MMEL1: variants seen among roughly 807,000 people sequenced by gnomAD.
MMEL1 encodes the protein membrane metalloendopeptidase like 1, also known as membrane metallo-endopeptidase-like 1.
Under a neutral mutation model 117.1 loss-of-function variants are expected in MMEL1, and 98 were observed. The ratio of observed to expected loss-of-function variants is 0.84; its 90% CI spans 0.71 to 0.99. MMEL1 has a LOEUF of 0.99. Ranked by LOEUF, MMEL1 falls within the 50% of genes least tolerant of loss-of-function variation. The pLI is 0.00. For missense variants in MMEL1, 1,014 were observed against 1,049.1 expected (o/e 0.97, Z 0.46); for synonymous variants, 390 against 415.1 (o/e 0.94, Z 0.74).
At chr1:2,614,591 A>G (rs911548671) in intron 2 of MMEL1, among the ~76,000 whole-genome samples, 5 of 152,162 alleles carry the variant, frequency 3.3e-5, no homozygotes, top group African/African-American at 1.2e-4. Flanking sequence ...GGTTGCATAT[A>G]TAAATATTTA....
chr1:2,630,798 G>T (rs1638530210), intron 1 of MMEL1, among the ~76,000 whole-genome samples: 1 of 151,064 alleles, frequency 6.6e-6, no homozygotes, highest in Non-Finnish European at 1.5e-5. Flanking sequence ...GAGTGTGCAC[G>T]TGTGTCCTCT....
chr1:2,610,437 G>A (rs778696857), intron 4 of MMEL1, among the ~76,000 whole-genome samples: 42 of 152,132 alleles, frequency 2.8e-4, no homozygotes, highest in Non-Finnish European at 5.3e-4. Flanking sequence ...AGGCTGAGGC[G>A]ATGGCTGAGA....
intron 2 of MMEL1, among the ~76,000 whole-genome samples, chr1:2,627,286 A>T (rs1384624187): frequency 6.6e-6 from 1 of 152,256 alleles, no homozygotes; most frequent in Non-Finnish European, 1.5e-5. Context: ...GTAAGATTTG[A>T]TGTAACTACA....
chr1:2,614,194 CAG>C (rs1038864510), intron 2 of MMEL1, among the ~76,000 whole-genome samples: 4 of 152,220 alleles, frequency 2.6e-5, no homozygotes, highest in African/African-American at 9.6e-5. Flanking sequence ...TTTAGACTGT[CAG>C]GGGAATCCCA....
chr1:2,593,084 G>T, intron 19 of MMEL1, 118 bp from the exon 20 acceptor site: 1 of 1,329,732 alleles, frequency 7.5e-7, no homozygotes, highest in Non-Finnish European at 1.0e-6. Context: ...AGTACGGAGA[G>T]CCCACAGTCT....
At chr1:2,631,683 G>A (rs1407136503) in intron 1 of MMEL1, among the ~76,000 whole-genome samples, 1 of 152,084 alleles carries the variant, frequency 6.6e-6, no homozygotes, top group Non-Finnish European at 1.5e-5. Context: ...CACACCCTCA[G>A]ATGCTTCCTT....
chr1:2,600,256 C>A (rs1205232708), intron 11 of MMEL1, among the ~76,000 whole-genome samples: 2 of 151,954 alleles, frequency 1.3e-5, no homozygotes, highest in Admixed American at 6.6e-5. Flanking sequence ...GCATGAGCCA[C>A]CATGCCTGGC....
rs139026073 is a variant in MMEL1, at chr1:2,609,829, C to T, written c.295G>A (p.Ala99Thr). Residue 99 changes from alanine (A) to threonine (T), a missense_variant and splice_region_variant, in exon 5 of 24, where the codon GCC becomes ACC. Physicochemically the swap from Ala to Thr is moderately conservative, Grantham distance 58. Transcript: ENST00000378412. Reference protein sequence around the residue: ...CTTPGCVIAAARILQNMDPTT... With the variant: ...CTTPGCVIAATRILQNMDPTT... ...GGGTCCATGTTCTGGAGGATCCTGGCAGCTGCTCGTCCCCATGGCGTGGAG... is the reference window on the plus strand; with the variant it reads ...GGGTCCATGTTCTGGAGGATCCTGGTAGCTGCTCGTCCCCATGGCGTGGAG... The T allele has an allele frequency of 1.1e-4, 177 of 1,605,562 alleles. No homozygotes were observed. In the African/African-American group the frequency reaches 1.7e-3, roughly 15 times the overall value.
At chr1:2,622,820 G>A (rs1051833573) in intron 2 of MMEL1, among the ~76,000 whole-genome samples, 1 of 150,166 alleles carries the variant, frequency 6.7e-6, no homozygotes, top group African/African-American at 2.5e-5. Flanking sequence ...GGGGGCGAAG[G>A]TTGCAGTGAG....
At position 2,590,976 on chromosome 1, in the gene MMEL1, C is replaced by T. The variant is rs756580651; in HGVS notation, c.*14G>A. 1.6e-5 allele frequency: 25 copies of T among 1,558,400 alleles called. No homozygotes were observed. Among genetic ancestry groups the T allele is most frequent in the Middle Eastern group, 4.5e-4 (2 of 4,470 alleles). ...GCGGGTGGGCGTGGGCCGCACAGCG[C>T]GGCAGGGCCTTGGCTACCACACGCG... On this transcript the variant is annotated 3_prime_UTR_variant, in exon 24 of 24. Coordinates refer to ENST00000378412, the MANE Select transcript of MMEL1 (RefSeq NM_033467.4).
intron 19 of MMEL1, among the ~76,000 whole-genome samples, chr1:2,593,451 C>A (rs951247840): frequency 1.3e-5 from 2 of 152,202 alleles, no homozygotes; most frequent in African/African-American, 2.4e-5. Flanking sequence ...GCACACCCCC[C>A]GGTGGAGGAT....
In MMEL1 at chr1:2,604,135, C is replaced by CCCCCCCCCAACAAGG; in HGVS notation, c.951+11_951+12insCCTTGTTGGGGGGGG. 6.6e-7 allele frequency: 1 copy of CCCCCCCCCAACAAGG among 1,520,162 alleles called. No individual in the cohort carries two copies. The highest frequency in any genetic ancestry group is 9.1e-7 in the Non-Finnish European group (1 of 1,100,354). 94.2% of individuals were successfully genotyped at this position (1,520,162 alleles called of 1,614,324 possible). ...CTCGCTGCCCGCTCCCCACCCGCCCCGGCCCCCTTACCTTGGCCAGCTGTG... is the reference window on the plus strand; with the variant it reads ...CTCGCTGCCCGCTCCCCACCCGCCCCCCCCCCCCAACAAGGGGCCCCCTTACCTTGGCCAGCTGTG... On this transcript the variant is annotated intron_variant, in intron 10 of 23. Transcript: ENST00000378412.
chr1:2,609,457 A>G, intron 5 of MMEL1, 38 bp from the exon 6 acceptor site: 1 of 1,591,062 alleles, frequency 6.3e-7, no homozygotes, highest in African/African-American at 1.3e-5. Flanking sequence ...AGGCCTGACG[A>G]GGCTGCAGGG....
intron 9 of MMEL1, 87 bp from the exon 10 acceptor site, chr1:2,604,368 G>A (rs1399911278): frequency 6.4e-7 from 1 of 1,555,380 alleles, no homozygotes; most frequent in African/African-American, 1.4e-5. Flanking sequence ...GTGGGCGTAG[G>A]ACATGGGGAA....
intron 12 of MMEL1, 147 bp downstream of exon 12, chr1:2,598,507 G>A: frequency 7.5e-7 from 1 of 1,329,712 alleles, no homozygotes; most frequent in Non-Finnish European, 1.0e-6. Context: ...GACTCCACTG[G>A]CCACTAAAGC....
At chr1:2,622,110 A>G (rs920702739) in intron 2 of MMEL1, among the ~76,000 whole-genome samples, 2 of 151,688 alleles carry the variant, frequency 1.3e-5, no homozygotes, top group Non-Finnish European at 2.9e-5. Flanking sequence ...AACTAGGAGG[A>G]GAAAATATGT....
chr1:2,591,686 G>A, intron 22 of MMEL1, 53 bp from the exon 23 acceptor site: 3 of 1,355,762 alleles, frequency 2.2e-6, no homozygotes, highest in South Asian at 1.2e-5. Flanking sequence ...GTGGCCAGGA[G>A]GGGTGGGGGA....
intron 4 of MMEL1, 125 bp downstream of exon 4, chr1:2,611,156 C>G (rs1398522977): frequency 1.0e-5 from 10 of 979,830 alleles, no homozygotes; most frequent in Non-Finnish European, 1.5e-5. Flanking sequence ...GTCCGGCCCA[C>G]CCGGCTCCAC....
intron 2 of MMEL1, among the ~76,000 whole-genome samples, chr1:2,622,726 A>G (rs986184092): frequency 2.0e-5 from 3 of 152,076 alleles, no homozygotes; most frequent in Non-Finnish European, 4.4e-5. Flanking sequence ...CTCTACTAAA[A>G]ATACAAAAAT....
Sources: gnomAD v4.1 joint callset for allele counts (sites outside exome capture counted in the v4.1 genomes callset) on GRCh38, gnomAD v4.1.1 for gene constraint, MANE v1.5 for transcripts, NCBI Gene and HGNC (gene_info 2026-07-23, HGNC 2026-07-21) for gene names.